LRP2: variants seen among roughly 807,000 people sequenced by gnomAD.
LRP2 encodes the protein LDL receptor related protein 2.
Under a neutral mutation model 531.0 loss-of-function variants are expected in LRP2, and 172 were observed. That is an observed-to-expected ratio of 0.32 (90% confidence interval 0.29 to 0.37). The LOEUF is 0.37. Ranked by LOEUF, LRP2 falls within the 10% of genes least tolerant of loss-of-function variation. LRP2 has a pLI of 1.00. For missense variants in LRP2, 5,167 were observed against 5,868.3 expected, an observed-to-expected ratio of 0.88 and a Z score of 3.90; for synonymous variants, 1,992 against 2,027.6, an observed-to-expected ratio of 0.98 and a Z score of 0.47.
chr2:169,338,359 GGAAAGAAA>G (rs869084371), intron 1 of LRP2, among the ~76,000 whole-genome samples: 1,561 of 76,602 alleles, frequency 0.02, 16 homozygotes, highest in Admixed American at 0.029. Flanking sequence ...AAAGAAAGAA[GGAAAGAAA>G]GAAAGAAAGA....
In LRP2 at chr2:169,237,187, G is replaced by C; in HGVS notation, c.4607C>G (p.Ser1536Cys). 6.2e-7 allele frequency: 1 copy of C among 1,613,902 alleles called. No individual in the cohort carries two copies. Among genetic ancestry groups the C allele is most frequent in the African/African-American group, 1.3e-5 (1 of 75,008 alleles). ...AGTCCTGTGGCTCCCATCAATTTTG[G>C]AGACTTCAATTGTTTCCAGAGCATA... is the stretch of plus-strand genomic sequence containing the variant. ...TDYALETIEV[S>C]KIDGSHRTVL... Residue 1536 changes from serine to cysteine, a missense_variant, in exon 28 of 79, where the codon TCC (serine) becomes TGC (cysteine). Around this residue, in one of 6 missense-constraint regions of LRP2, gnomAD observed 2,811 missense variants for 3,058.0 expected, o/e 0.92. Transcript: ENST00000649046.
At chr2:169,342,868 G>A (rs1685602794) in intron 1 of LRP2, among the ~76,000 whole-genome samples, 1 of 152,174 alleles carries the variant, frequency 6.6e-6, no homozygotes, top group Admixed American at 6.5e-5. Context: ...TAGCTTGACA[G>A]CTTTCTCACC....
chr2:169,167,728 T>A (rs2105270426), intron 61 of LRP2, among the ~76,000 whole-genome samples: 1 of 152,210 alleles, frequency 6.6e-6, no homozygotes, highest in East Asian at 1.9e-4. Flanking sequence ...AAGACACTTT[T>A]GAGAACTATT....
intron 16 of LRP2, among the ~76,000 whole-genome samples, chr2:169,265,755 A>G (rs540713682): frequency 6.6e-5 from 10 of 152,166 alleles, no homozygotes; most frequent in Middle Eastern, 3.4e-3. Context: ...GGAAGCTATC[A>G]TGTAACTTGT....
intron 45 of LRP2, among the ~76,000 whole-genome samples, chr2:169,198,238 AC>A (rs553809720): frequency 2.0e-5 from 3 of 151,928 alleles, no homozygotes; most frequent in Admixed American, 6.6e-5. Context: ...ACACAGAGAA[AC>A]CCCATATCTA....
intron 76 of LRP2, among the ~76,000 whole-genome samples, chr2:169,133,183 T>A (rs1685355189): frequency 6.6e-6 from 1 of 152,238 alleles, no homozygotes; most frequent in Non-Finnish European, 1.5e-5. Context: ...AAAAAGAGGT[T>A]GAATTTTTGA....
At position 169,307,356 on chromosome 2, in the gene LRP2, C is replaced by A; in HGVS notation, c.352G>T (p.Gly118Cys). The A allele has an allele frequency of 6.2e-7, 1 of 1,613,856 alleles. No individual in the cohort carries two copies. The highest frequency in any genetic ancestry group is 8.5e-7 in the Non-Finnish European group (1 of 1,179,794). ...CSSHQITCSN[G>C]QCIPSEYRCD... ...CTGTATTCACTTGGGATACACTGAC[C>A]ATTGGAGCATGTTATCTGATGACTT... Residue 118 changes from glycine (G) to cysteine (C), a missense_variant, in exon 4 of 79, where the codon GGT becomes TGT. Physicochemically the swap from Gly to Cys is radical, Grantham distance 159. Transcript: ENST00000649046.
At chr2:169,314,864 AATTT>A (rs1443590623) in intron 3 of LRP2, among the ~76,000 whole-genome samples, 1 of 152,228 alleles carries the variant, frequency 6.6e-6, no homozygotes, top group African/African-American at 2.4e-5. Context: ...ATTTCCAAAT[AATTT>A]ATTTAAGTAT....
At chr2:169,198,717 A>C in intron 45 of LRP2, 69 bp downstream of exon 45, 2 of 1,581,984 alleles carry the variant, frequency 1.3e-6, no homozygotes, top group Non-Finnish European at 1.7e-6. Flanking sequence ...CCCACGCTTC[A>C]TATCTTTGTA....
intron 52 of LRP2, among the ~76,000 whole-genome samples, chr2:169,178,982 C>CTGAT (rs1553490565): frequency 1.9e-4 from 27 of 144,074 alleles, no homozygotes; most frequent in East Asian, 6.4e-4. Flanking sequence ...TAGTCACCAT[C>CTGAT]TGATTTATTT....
chr2:169,254,971 A>G (rs1690245588), intron 19 of LRP2, among the ~76,000 whole-genome samples: 1 of 152,076 alleles, frequency 6.6e-6, no homozygotes, highest in African/African-American at 2.4e-5. Flanking sequence ...TTTAAATACC[A>G]CACACTCCTC....
chr2:169,223,889 A>G (rs1574150979), intron 33 of LRP2, among the ~76,000 whole-genome samples: 1 of 152,200 alleles, frequency 6.6e-6, no homozygotes, highest in Non-Finnish European at 1.5e-5. Flanking sequence ...TGAGGATTAA[A>G]TTAGATGCTA....
chr2:169,217,773 G>T (rs925459542), intron 34 of LRP2, among the ~76,000 whole-genome samples: 2 of 151,882 alleles, frequency 1.3e-5, no homozygotes, highest in African/African-American at 4.8e-5. Flanking sequence ...CATAAATTTC[G>T]AATTCCTTCC....
rs1166335705 is a variant in LRP2, at chr2:169,247,442, T to G, written c.2844A>C (p.Thr948=). The G allele has an allele frequency of 6.2e-7, 1 of 1,614,162 alleles. No individual in the cohort carries two copies. The change falls in exon 20 of 79, where the codon ACA becomes ACC. Residue 948 remains threonine (T), a synonymous_variant. Coordinates refer to ENST00000649046, the MANE Select transcript of LRP2 (RefSeq NM_004525.3). Reference sequence around the variant, plus strand: ...TGTAAGCAATGCCACTTCGGATAACTGTCATTTCTCCACCATCTGCTTTCC... The same window carrying G: ...TGTAAGCAATGCCACTTCGGATAACGGTCATTTCTCCACCATCTGCTTTCC... The part of the protein sequence containing the change: ...RVRKADGGEM[T]VIRSGIAYIL...
At position 169,206,942 on chromosome 2, in the gene LRP2, T is replaced by C; in HGVS notation, c.6778A>G (p.Arg2260Gly). ...GAGTTCTCTCCATTGATACGAATCC[T>C]TGCAATTATATCTAAAGAATCATCA... The part of the protein sequence containing the change: ...WVDDSLDIIA[R>G]IRINGENSEV... The change falls in exon 39 of 79, where the codon AGG (arginine) becomes GGG (glycine). Residue 2260 changes from arginine to glycine, a missense_variant. Physicochemically the swap from Arg to Gly is moderately radical, Grantham distance 125 (BLOSUM62 -2). Around this residue, in one of 6 missense-constraint regions of LRP2, gnomAD observed 2,811 missense variants for 3,058.0 expected, o/e 0.92. Transcript: ENST00000649046. 6.2e-7 allele frequency: 1 copy of C among 1,614,212 alleles called. No homozygotes were observed. The highest frequency in any genetic ancestry group is 1.6e-4 in the Middle Eastern group (1 of 6,062).
intron 71 of LRP2, 72 bp from the exon 72 acceptor site, chr2:169,140,617 C>A: frequency 8.3e-7 from 1 of 1,202,232 alleles, no homozygotes; most frequent in South Asian, 1.2e-5. Context: ...TGCAAACCGG[C>A]CCAGGTTAGG....
At chr2:169,244,557 G>T in intron 22 of LRP2, 136 bp downstream of exon 22, 1 of 1,181,368 alleles carries the variant, frequency 8.5e-7, no homozygotes. Flanking sequence ...TTGACACAGA[G>T]ATTGACAAGT....
chr2:169,190,696 G>C (rs1196862113), intron 48 of LRP2, among the ~76,000 whole-genome samples: 1 of 152,176 alleles, frequency 6.6e-6, no homozygotes, highest in Admixed American at 6.5e-5. Flanking sequence ...CTTGGCACAA[G>C]CAATATCTCT....
intron 17 of LRP2, among the ~76,000 whole-genome samples, chr2:169,257,997 C>G (rs746886481): frequency 6.6e-6 from 1 of 152,080 alleles, no homozygotes; most frequent in South Asian, 2.1e-4. Flanking sequence ...AACAGTTTTT[C>G]AAAACCAAAG....
Sources: gnomAD v4.1 joint callset for allele counts (sites outside exome capture counted in the v4.1 genomes callset) on GRCh38, gnomAD v4.1.1 for gene constraint, gnomAD v4.1.1 regional missense constraint, MANE v1.5 for transcripts, NCBI Gene and HGNC (gene_info 2026-07-23, HGNC 2026-07-21) for gene names.